Variants in INVS observed in about 807,000 individuals in gnomAD.
INVS encodes the protein inversion of embryo turning homolog.
Under a neutral mutation model 108.8 loss-of-function variants are expected in INVS, and 86 were observed. That is an observed-to-expected ratio of 0.79 (90% CI 0.66 to 0.95). INVS has a LOEUF of 0.95. Ranked by LOEUF, INVS falls within the 40% of genes least tolerant of loss-of-function variation. INVS has a pLI of 0.00. For synonymous variants in INVS, 455 were observed against 473.5 expected, an observed-to-expected ratio of 0.96 and a Z score of 0.51; for missense variants, 1,169 against 1,297.4, an observed-to-expected ratio of 0.90 and a Z score of 1.52.
intron 4 of INVS, among the ~76,000 whole-genome samples, chr9:100,228,790 A>G (rs1235459685): frequency 6.6e-6 from 1 of 152,190 alleles, no homozygotes; most frequent in Non-Finnish European, 1.5e-5. Flanking sequence ...AAATTTAAAA[A>G]CATACTTGTC....
chr9:100,184,073 A>T (rs972369113), intron 3 of INVS, among the ~76,000 whole-genome samples: 31 of 152,156 alleles, frequency 2.0e-4, no homozygotes, highest in African/African-American at 6.3e-4. Context: ...AAAGTTATGG[A>T]TATGAACTAT....
chr9:100,226,163 G>C lies in INVS; in HGVS notation c.375G>C (p.Arg125Ser), dbSNP rs770737798. The part of the protein sequence containing the change: ...MTPLHLTTRH[R>S]SPKCLALLLK... ...CTTTGCACTTGACCACCCGGCACAG[G>C]AGCCCTAAGTGTTTGGCACTTCTGC... Residue 125 changes from arginine (R) to serine (S), a missense_variant, in exon 4 of 17, where the codon AGG (arginine) becomes AGC (serine). Transcript: ENST00000262457. 4 of 1,613,938 alleles carry C rather than the reference G, an allele frequency of 2.5e-6. No homozygotes were observed.
At chr9:100,231,230 A>T (rs989424479) in intron 5 of INVS, among the ~76,000 whole-genome samples, 1 of 152,116 alleles carries the variant, frequency 6.6e-6, no homozygotes, top group Admixed American at 6.5e-5. Context: ...ATTATTTTTT[A>T]ATCGTTTTTT....
intron 2 of INVS, among the ~76,000 whole-genome samples, chr9:100,107,622 T>C (rs1485897047): frequency 6.6e-6 from 1 of 152,200 alleles, no homozygotes; most frequent in Non-Finnish European, 1.5e-5. Flanking sequence ...TAGTCATCCT[T>C]GAGATTTCAA....
chr9:100,182,494 C>T (rs9886877), intron 3 of INVS, among the ~76,000 whole-genome samples: 46,199 of 151,798 alleles, frequency 0.3, 8,134 homozygotes, highest in Non-Finnish European at 0.41. Context: ...CTTCAAAAGA[C>T]GACATTATTG....
At chr9:100,249,345 A>G (rs1832148072) in intron 8 of INVS, among the ~76,000 whole-genome samples, 1 of 152,152 alleles carries the variant, frequency 6.6e-6, no homozygotes, top group African/African-American at 2.4e-5. Flanking sequence ...AAATGCTACA[A>G]TTCTGTGGTG....
At chr9:100,129,261 C>T (rs1308327488) in intron 3 of INVS, among the ~76,000 whole-genome samples, 1 of 151,996 alleles carries the variant, frequency 6.6e-6, no homozygotes, top group Non-Finnish European at 1.5e-5. Flanking sequence ...GTGGGTGGAT[C>T]ACTTGAGGCC....
At chr9:100,117,207 A>T in intron 2 of INVS, 2 of 984,290 alleles carry the variant, frequency 2.0e-6, no homozygotes, top group Non-Finnish European at 3.1e-6. Flanking sequence ...TCCTTGGAGC[A>T]CTTAACACCC....
chr9:100,280,078 T>C (rs1833229984), intron 12 of INVS, among the ~76,000 whole-genome samples: 1 of 152,244 alleles, frequency 6.6e-6, no homozygotes, highest in Admixed American at 6.5e-5. Context: ...AAATTTCTGA[T>C]CACTCACCTT....
intron 3 of INVS, among the ~76,000 whole-genome samples, chr9:100,205,046 T>A (rs1360252724): frequency 6.6e-6 from 1 of 152,066 alleles, no homozygotes; most frequent in African/African-American, 2.4e-5. Flanking sequence ...AGGAAAGGGA[T>A]GTGGGGTGAA....
intron 3 of INVS, among the ~76,000 whole-genome samples, chr9:100,195,003 G>A (rs1180255191): frequency 2.0e-5 from 3 of 152,136 alleles, no homozygotes; most frequent in African/African-American, 4.8e-5. Context: ...CTGCATCATA[G>A]GAGCAAAAAG....
chr9:100,108,511 G>A (rs573938956), intron 2 of INVS, among the ~76,000 whole-genome samples: 85 of 152,100 alleles, frequency 5.6e-4, no homozygotes, highest in Non-Finnish European at 1.1e-3. Flanking sequence ...CTATGCATAT[G>A]AATGCCAGGT....
intron 3 of INVS, among the ~76,000 whole-genome samples, chr9:100,137,066 G>C (rs1278765780): frequency 6.6e-6 from 1 of 152,082 alleles, no homozygotes; most frequent in Non-Finnish European, 1.5e-5. Context: ...CAGTTGGAAA[G>C]TTTAGATACA....
At chr9:100,235,223 A>T (rs1232234144) in intron 5 of INVS, among the ~76,000 whole-genome samples, 1 of 151,072 alleles carries the variant, frequency 6.6e-6, no homozygotes, top group Non-Finnish European at 1.5e-5. Context: ...TGCTTGGTAA[A>T]TCTTCCTCCA....
chr9:100,183,739 C>T (rs1317268667), intron 3 of INVS, among the ~76,000 whole-genome samples: 2 of 143,326 alleles, frequency 1.4e-5, no homozygotes, highest in Non-Finnish European at 3.0e-5. Context: ...TGCAGTGAGC[C>T]GAGATCGCGC....
intron 7 of INVS, among the ~76,000 whole-genome samples, chr9:100,244,509 G>T (rs1564173569): frequency 6.6e-6 from 1 of 152,100 alleles, no homozygotes; most frequent in Non-Finnish European, 1.5e-5. Context: ...TTAAATAGGT[G>T]TGCTAATGGA....
intron 8 of INVS, among the ~76,000 whole-genome samples, chr9:100,249,055 TATTTCAGTG>T (rs1832138666): frequency 6.6e-6 from 1 of 152,134 alleles, no homozygotes; most frequent in African/African-American, 2.4e-5. Flanking sequence ...ATATCTGTGA[TATTTCAGTG>T]ATTTCACATT....
At chr9:100,164,963 A>G (rs1402579662) in intron 3 of INVS, among the ~76,000 whole-genome samples, 1 of 140,834 alleles carries the variant, frequency 7.1e-6, no homozygotes, top group African/African-American at 2.7e-5. Context: ...TTGATGTCTT[A>G]GTCTAGACTG....
At chr9:100,200,658 T>C (rs1398940103) in intron 3 of INVS, among the ~76,000 whole-genome samples, 4 of 152,224 alleles carry the variant, frequency 2.6e-5, no homozygotes, top group Admixed American at 2.6e-4. Context: ...CCCTATGCCT[T>C]GGGTAGTAGC....
Sources: allele counts gnomAD v4.1 joint callset (sites outside exome capture counted in the v4.1 genomes callset), GRCh38; gene constraint gnomAD v4.1.1; transcripts MANE v1.5; gene names NCBI Gene and HGNC (gene_info 2026-07-23, HGNC 2026-07-21).